Variants in NAV3 observed in about 807,000 individuals in gnomAD.
NAV3 encodes pore membrane and/or filament interacting like protein 1.
A neutral mutation model predicts 244.7 loss-of-function variants in NAV3; 87 were observed. The ratio of observed to expected loss-of-function variants is 0.36; its 90% CI spans 0.30 to 0.42. The LOEUF (loss-of-function observed/expected upper bound fraction) is 0.42, where lower values mean the gene tolerates loss of function less well. NAV3 is among the 20% of genes least tolerant of loss of function. NAV3 has a pLI of 1.00. For missense variants in NAV3, 2,663 were observed against 2,893.3 expected, an observed-to-expected ratio of 0.92 and a Z score of 1.83; for synonymous variants, 1,126 against 1,042.2, an observed-to-expected ratio of 1.08 and a Z score of -1.55.
chr12:77,574,356 AGTCTCAAT>A (rs1326932623), intron 2 of NAV3, among the ~76,000 whole-genome samples: 3 of 152,160 alleles, frequency 2.0e-5, no homozygotes, highest in African/African-American at 7.2e-5. Flanking sequence ...AGGAACACCT[AGTCTCAAT>A]GACACAATGA....
At chr12:77,924,499 G>A in intron 1 of NAV3, among the ~76,000 whole-genome samples, 1 of 152,054 alleles carries the variant, frequency 6.6e-6, no homozygotes, top group Non-Finnish European at 1.5e-5. Flanking sequence ...GGTGGCAGTA[G>A]GGGGACTTCC....
At chr12:78,144,044 C>T (rs540053930) in intron 20 of NAV3, among the ~76,000 whole-genome samples, 7 of 152,266 alleles carry the variant, frequency 4.6e-5, no homozygotes, top group Admixed American at 3.3e-4. Flanking sequence ...TACTTCAAGT[C>T]CATTTATTCT....
In NAV3 at chr12:77,876,462, C is replaced by T. The variant is rs1239954783; in HGVS notation, c.243+44758C>T. 5.9e-5 allele frequency among the ~76,000 whole-genome samples: 9 copies of T among 152,116 alleles called. No homozygotes were observed. In the East Asian group the frequency reaches 1.2e-3, roughly 20 times the overall value. ...ACGAATCAGTTCTTTTTGCTAGTTT[C>T]CTAACTGATTTAAAAATAGTTTATC... is the stretch of plus-strand genomic sequence containing the variant. On this transcript the variant is annotated intron_variant, in intron 1 of 39. Transcript: ENST00000397909.
At chr12:77,690,256 T>C (rs969707815) in intron 2 of NAV3, among the ~76,000 whole-genome samples, 2 of 151,836 alleles carry the variant, frequency 1.3e-5, no homozygotes, top group African/African-American at 2.4e-5. Context: ...AGAAACGAAC[T>C]GTCTCAGCAT....
chr12:77,712,652 A>G (rs953017370), intron 2 of NAV3, among the ~76,000 whole-genome samples: 10 of 152,204 alleles, frequency 6.6e-5, no homozygotes, highest in African/African-American at 2.4e-4. Context: ...TTAGCAACTG[A>G]TAACTGCAGT....
At chr12:78,108,554 A>G (rs1420944202) in intron 12 of NAV3, among the ~76,000 whole-genome samples, 9 of 152,174 alleles carry the variant, frequency 5.9e-5, no homozygotes, top group Admixed American at 4.6e-4. Context: ...ACCATATGTT[A>G]GGCCACAAAT....
intron 2 of NAV3, among the ~76,000 whole-genome samples, chr12:77,632,580 C>A (rs561548493): frequency 1.3e-5 from 2 of 152,266 alleles, no homozygotes; most frequent in Admixed American, 1.3e-4. Context: ...CCTCCCACGA[C>A]ACGTGGGAAT....
Position 78,137,375 on chromosome 12 carries a change from GA to G in NAV3, c.4630+11del. 6.9e-6 allele frequency: 11 copies of G among 1,598,756 alleles called. No individual in the cohort carries two copies. Among genetic ancestry groups the G allele is most frequent in the East Asian group, 2.2e-5 (1 of 44,498 alleles). ...GACAGCATGGAAGAAGGTAAGCGTT[GA>G]GGGGGATTAAAGATGAAGTCACTTT... is the stretch of plus-strand genomic sequence containing the variant. On this transcript the variant is annotated intron_variant, in intron 19 of 39. Transcript: ENST00000397909.
Position 77,980,973 on chromosome 12 carries a change from G to A in NAV3, c.671+12271G>A, listed in dbSNP as rs1053920897. On this transcript the variant is annotated intron_variant, in intron 5 of 39. Transcript: ENST00000397909. ...GCAGGTGGCCTTATTAACTGCCTGT[G>A]GAAATTTAAGATAAGACAGAGGTTA... Among the ~76,000 whole-genome samples, 7 of 152,110 alleles carry A rather than the reference G, an allele frequency of 4.6e-5. No homozygotes were observed. The East Asian group carries it at 7.7e-4, about 17-fold the overall frequency.
At chr12:77,761,665 CAT>C (rs1445921404) in intron 2 of NAV3, among the ~76,000 whole-genome samples, 2 of 152,060 alleles carry the variant, frequency 1.3e-5, no homozygotes, top group African/African-American at 2.4e-5. Flanking sequence ...GGCCAAGAAA[CAT>C]ATGAAAAAAA....
At chr12:77,813,961 TA>T (rs1241382184) in intron 2 of NAV3, among the ~76,000 whole-genome samples, 1 of 152,164 alleles carries the variant, frequency 6.6e-6, no homozygotes, top group African/African-American at 2.4e-5. Context: ...ACAAAACTGA[TA>T]CACAGAGTAG....
chr12:78,146,892 C>T (rs766285120), intron 21 of NAV3, among the ~76,000 whole-genome samples: 12 of 152,038 alleles, frequency 7.9e-5, no homozygotes, highest in Non-Finnish European at 5.9e-5. Flanking sequence ...TTCACAAATA[C>T]ATATTTGGTT....
chr12:78,037,524 C>T, intron 9 of NAV3: 1 of 585,160 alleles, frequency 1.7e-6, no homozygotes, highest in Non-Finnish European at 3.0e-6. Context: ...ATTTTAAATT[C>T]CTGTTTCTTG....
At chr12:78,109,147 A>G (rs1264627695) in intron 12 of NAV3, among the ~76,000 whole-genome samples, 1 of 152,110 alleles carries the variant, frequency 6.6e-6, no homozygotes, top group East Asian at 1.9e-4. Flanking sequence ...AGAAATAAAA[A>G]GGATCATCAG....
At chr12:77,700,568 G>C (rs1277356309) in intron 2 of NAV3, among the ~76,000 whole-genome samples, 1 of 152,006 alleles carries the variant, frequency 6.6e-6, no homozygotes, top group Non-Finnish European at 1.5e-5. Flanking sequence ...ATGTTGAATA[G>C]AAATAGTGAG....
intron 23 of NAV3, among the ~76,000 whole-genome samples, chr12:78,167,680 C>T (rs115616009): frequency 7.8e-4 from 118 of 151,424 alleles, no homozygotes; most frequent in African/African-American, 2.7e-3. Flanking sequence ...AACCGAGGCC[C>T]GATTCTTTGG....
At chr12:78,142,203 A>G (rs1006236384) in intron 20 of NAV3, among the ~76,000 whole-genome samples, 1 of 152,150 alleles carries the variant, frequency 6.6e-6, no homozygotes, top group Non-Finnish European at 1.5e-5. Context: ...ATATGTTTGT[A>G]TAATACCACA....
In NAV3 at chr12:78,141,980, AAAAGAAAG is replaced by A. The variant is rs777936115; in HGVS notation, c.4683+1658_4683+1665del. On this transcript the variant is annotated intron_variant, in intron 20 of 39. Transcript: ENST00000397909. The stretch of plus-strand genomic sequence containing the variant: ...ATGAAACCTAAGAAAAACTAAATTA[AAAAGAAAG>A]AAAGAAAGAAAAATACACTTAGATA... 6.6e-5 allele frequency among the ~76,000 whole-genome samples: 10 copies of A among 152,246 alleles called. No individual in the cohort carries two copies. In the South Asian group the frequency reaches 1.5e-3, roughly 22 times the overall value.
At chr12:77,859,311 G>T (rs1565863831) in intron 1 of NAV3, among the ~76,000 whole-genome samples, 1 of 151,896 alleles carries the variant, frequency 6.6e-6, no homozygotes, top group African/African-American at 2.4e-5. Flanking sequence ...ATATTGTAAG[G>T]CCCTGGAAAC....
Sources: allele counts gnomAD v4.1 joint callset (sites outside exome capture counted in the v4.1 genomes callset), GRCh38; gene constraint gnomAD v4.1.1; transcripts MANE v1.5; gene names NCBI Gene and HGNC (gene_info 2026-07-23, HGNC 2026-07-21).